Variants in CACNA1E observed in about 807,000 individuals in gnomAD.
CACNA1E encodes voltage-dependent R-type calcium channel subunit alpha-1E.
Under a neutral mutation model 259.2 loss-of-function variants are expected in CACNA1E, and 40 were observed. The observed-to-expected ratio is 0.15, with a 90% CI of 0.12 to 0.20. The LOEUF (loss-of-function observed/expected upper bound fraction) is 0.20, where lower values mean the gene tolerates loss of function less well. Ranked by LOEUF, CACNA1E falls within the 10% of genes least tolerant of loss-of-function variation. The pLI is 1.00. For synonymous variants in CACNA1E, 1,104 were observed against 1,138.5 expected, an observed-to-expected ratio of 0.97 and a Z score of 0.61; for missense variants, 1,874 against 3,040.1, an observed-to-expected ratio of 0.62 and a Z score of 9.02.
At chr1:181,455,748 T>G (rs1661425880) in intron 2 of CACNA1E, among the ~76,000 whole-genome samples, 1 of 152,194 alleles carries the variant, frequency 6.6e-6, no homozygotes, top group African/African-American at 2.4e-5. Flanking sequence ...TTGACCATAA[T>G]TTAGACTCAT....
chr1:181,725,122 G>T (rs981186280), intron 17 of CACNA1E, among the ~76,000 whole-genome samples: 1 of 152,250 alleles, frequency 6.6e-6, no homozygotes, highest in Non-Finnish European at 1.5e-5. Context: ...CTACAGAGAT[G>T]AGTAAAAACC....
In CACNA1E at chr1:181,450,968, G is replaced by A. The variant is rs140611350; in HGVS notation, c.435-32776G>A. 5.0e-3 allele frequency among the ~76,000 whole-genome samples: 757 copies of A among 152,256 alleles called. 5 individuals are homozygous for A. Among genetic ancestry groups the A allele is most frequent in the Non-Finnish European group, 8.0e-3 (546 of 68,002 alleles). On this transcript the variant is annotated intron_variant, in intron 2 of 11. Coordinates refer to the CACNA1E transcript ENST00000524607. ...GAAGAATAGGATTGAGGGAGAGGAG[G>A]TGGCAATAAGAATACCCCTATTTCT... is the stretch of plus-strand genomic sequence containing the variant.
At chr1:181,672,644 A>G (rs993168773) in intron 7 of CACNA1E, among the ~76,000 whole-genome samples, 9 of 152,334 alleles carry the variant, frequency 5.9e-5, no homozygotes, top group Middle Eastern at 3.4e-3. Context: ...TCCTTCAGTC[A>G]TTCATTTCTG....
chr1:181,531,512 G>C (rs958693768), intron 3 of CACNA1E, among the ~76,000 whole-genome samples: 5 of 152,200 alleles, frequency 3.3e-5, no homozygotes, highest in Non-Finnish European at 7.3e-5. Flanking sequence ...AATGCAAGAT[G>C]AGTGAGAGGT....
intron 1 of CACNA1E, among the ~76,000 whole-genome samples, chr1:181,349,890 C>T (rs1223625456): frequency 1.3e-5 from 2 of 152,182 alleles, no homozygotes; most frequent in Non-Finnish European, 2.9e-5. Context: ...TGACCCCAGG[C>T]AAGTCACTGT....
Position 181,776,289 on chromosome 1 carries a change from G to A in CACNA1E, c.5267+61G>A, listed in dbSNP as rs776736644. 19 of 1,569,862 alleles carry A rather than the reference G, an allele frequency of 1.2e-5. No individual in the cohort carries two copies. In the Admixed American group the frequency reaches 3.0e-4, roughly 25 times the overall value. Reference sequence around the variant, plus strand: ...GAGCAAAGGTCTCTGGAGTTCCCAGGGAAGAGGCTGGAATTGGAGCCACCC... The same window carrying A: ...GAGCAAAGGTCTCTGGAGTTCCCAGAGAAGAGGCTGGAATTGGAGCCACCC... On this transcript the variant is annotated intron_variant, in intron 38 of 47. Coordinates refer to ENST00000367573, the MANE Select transcript of CACNA1E (RefSeq NM_001205293.3). The surrounding 1 kb of genome is among the most constrained non-coding windows in gnomAD (Gnocchi z 4.4).
At chr1:181,796,417 C>T (rs1402762891) in intron 46 of CACNA1E, among the ~76,000 whole-genome samples, 1 of 152,166 alleles carries the variant, frequency 6.6e-6, no homozygotes, top group Non-Finnish European at 1.5e-5. Flanking sequence ...AGGAAGCAAG[C>T]ACTCTCAGGC....
At chr1:181,725,043 A>T (rs1331387084) in intron 17 of CACNA1E, among the ~76,000 whole-genome samples, 1 of 152,204 alleles carries the variant, frequency 6.6e-6, no homozygotes, top group Non-Finnish European at 1.5e-5. Context: ...TTCTCACAGA[A>T]CTGTTCCCTT....
intron 7 of CACNA1E, among the ~76,000 whole-genome samples, chr1:181,699,029 G>A (rs1651974984): frequency 6.6e-6 from 1 of 152,288 alleles, no homozygotes; most frequent in East Asian, 1.9e-4. Context: ...CATATAGAGT[G>A]TCAAAGAATA....
intron 1 of CACNA1E, among the ~76,000 whole-genome samples, chr1:181,367,107 C>T (rs911270463): frequency 1.3e-5 from 2 of 152,176 alleles, no homozygotes; most frequent in Non-Finnish European, 1.5e-5. Flanking sequence ...GACACCTCTG[C>T]GTCTCCTACC....
At chr1:181,474,327 G>T (rs1328215743) in intron 2 of CACNA1E, among the ~76,000 whole-genome samples, 14 of 152,212 alleles carry the variant, frequency 9.2e-5, no homozygotes. Context: ...TGGCTTGTCA[G>T]TGGTGTTAGG....
At chr1:181,632,515 A>G (rs892096916) in intron 6 of CACNA1E, among the ~76,000 whole-genome samples, 1 of 152,202 alleles carries the variant, frequency 6.6e-6, no homozygotes, top group African/African-American at 2.4e-5. Flanking sequence ...ACCTGTATTT[A>G]CAGATGTGGG....
Position 181,720,673 on chromosome 1 carries a change from G to A in CACNA1E, c.1884-110G>A, listed in dbSNP as rs1410702867. 4 of 720,736 alleles carry A rather than the reference G, an allele frequency of 5.5e-6. No homozygotes were observed. In the Admixed American group the frequency reaches 8.3e-5, roughly 15 times the overall value. 44.6% of individuals were successfully genotyped at this position (720,736 alleles called of 1,614,324 possible). On this transcript the variant is annotated intron_variant, in intron 14 of 47. Transcript: ENST00000367573. ...AATGGGGAAAAAGTAGGGAAGAGGG[G>A]GGTTGTAGAAGAAAGGAGAAAAGAA... is the stretch of plus-strand genomic sequence containing the variant.
chr1:181,700,677 C>T (rs1226662287), intron 7 of CACNA1E, among the ~76,000 whole-genome samples: 1 of 152,200 alleles, frequency 6.6e-6, no homozygotes, highest in Non-Finnish European at 1.5e-5. Context: ...AAAAATAGAA[C>T]TAAGTCTGAG....
intron 27 of CACNA1E, 56 bp downstream of exon 27, chr1:181,752,295 A>C (rs1471348319): frequency 1.6e-6 from 2 of 1,288,308 alleles, no homozygotes; most frequent in African/African-American, 2.9e-5. Context: ...TTCTCTCTTT[A>C]GCCATGGCTG....
intron 37 of CACNA1E, among the ~76,000 whole-genome samples, chr1:181,775,345 A>ACAT (rs1367676102): frequency 1.3e-5 from 2 of 152,180 alleles, no homozygotes; most frequent in Non-Finnish European, 2.9e-5. Context: ...GTGCTGTTGA[A>ACAT]CATCAAGTCC....
chr1:181,674,256 G>A (rs1389949692), intron 7 of CACNA1E, among the ~76,000 whole-genome samples: 1 of 150,970 alleles, frequency 6.6e-6, no homozygotes, highest in African/African-American at 2.4e-5. Flanking sequence ...AGCCAGGCAT[G>A]GCAGCGTGCG....
At chr1:181,702,624 T>C (rs1652382459) in intron 7 of CACNA1E, among the ~76,000 whole-genome samples, 1 of 152,186 alleles carries the variant, frequency 6.6e-6, no homozygotes. Context: ...CAGTCCACTC[T>C]AGTCACATTG....
intron 2 of CACNA1E, among the ~76,000 whole-genome samples, chr1:181,416,457 A>G (rs1658282544): frequency 6.6e-6 from 1 of 152,198 alleles, no homozygotes; most frequent in East Asian, 1.9e-4. Flanking sequence ...GCTATCCTGT[A>G]AGCCAAAGAA....
Sources: allele counts gnomAD v4.1 joint callset (sites outside exome capture counted in the v4.1 genomes callset), GRCh38; gene constraint gnomAD v4.1.1; non-coding constraint Gnocchi (gnomAD v3.1); transcripts MANE v1.5; gene names NCBI Gene and HGNC (gene_info 2026-07-23, HGNC 2026-07-21).